Variants in OR14I1 observed in about 807,000 individuals in gnomAD.
OR14I1 encodes the protein olfactory receptor family 14 subfamily I member 1.
For missense variants in OR14I1, 279 were observed against 181.8 expected (o/e 1.53, Z -3.07); for synonymous variants, 118 against 71.1 (o/e 1.66, Z -3.32).
At chr1:248,687,233 A>G (rs2103136298), upstream of OR14I1, among the ~76,000 whole-genome samples, 1 of 152,368 alleles carries the variant, frequency 6.6e-6, no homozygotes, top group African/African-American at 2.4e-5. Context: ...TCGATAAAGT[A>G]CAAAACCCAG....
chr1:248,690,063 G>A, the OR14I1 span, among the ~76,000 whole-genome samples: 2 of 152,168 alleles, frequency 1.3e-5, no homozygotes, highest in African/African-American at 4.8e-5. Flanking sequence ...GAATTTCCGG[G>A]ACACAGCTAA....
At chr1:248,678,747 T>C (rs2103130566), downstream of OR14I1, among the ~76,000 whole-genome samples, 1 of 151,902 alleles carries the variant, frequency 6.6e-6, no homozygotes, top group East Asian at 1.9e-4. Flanking sequence ...TAGACAAGAG[T>C]TTTTACCATT....
the OR14I1 span, among the ~76,000 whole-genome samples, chr1:248,700,988 T>C: frequency 6.6e-6 from 1 of 152,332 alleles, no homozygotes; most frequent in East Asian, 1.9e-4. Flanking sequence ...AAGACCAAAA[T>C]GGGCAATGTA....
At chr1:248,685,873 T>C (rs1661642386), upstream of OR14I1, among the ~76,000 whole-genome samples, 1 of 151,808 alleles carries the variant, frequency 6.6e-6, no homozygotes, top group African/African-American at 2.4e-5. Context: ...TTGAAAATTG[T>C]CTACAATTTG....
the OR14I1 span, among the ~76,000 whole-genome samples, chr1:248,696,044 C>G: frequency 1.3e-5 from 2 of 152,284 alleles, no homozygotes; most frequent in Non-Finnish European, 2.9e-5. Context: ...GAAGTTTAAA[C>G]TCCCCACTCC....
At chr1:248,694,329 T>C in the OR14I1 span, among the ~76,000 whole-genome samples, 1 of 152,212 alleles carries the variant, frequency 6.6e-6, no homozygotes, top group Non-Finnish European at 1.5e-5. Context: ...TTTACTTACA[T>C]TTGTTTTTAA....
the OR14I1 span, among the ~76,000 whole-genome samples, chr1:248,695,228 CT>C: frequency 0.052 from 5,020 of 96,726 alleles, 27 homozygotes; most frequent in East Asian, 0.13. Flanking sequence ...TGAATGTATG[CT>C]TTTTTTTTTT....
At chr1:248,693,891 G>A in the OR14I1 span, among the ~76,000 whole-genome samples, 27,463 of 143,514 alleles carry the variant, frequency 0.19, 3,174 homozygotes, top group African/African-American at 0.34. Context: ...TCAAAGTCCA[G>A]AACTTTTTAA....
the OR14I1 span, chr1:248,691,707 C>G: frequency 6.6e-6 from 1 of 152,354 alleles, no homozygotes. Context: ...ACCAATGGGG[C>G]AGGCCAAAGG....
chr1:248,681,295 CT>C (rs1018908356), downstream of OR14I1: 34 of 562,468 alleles, frequency 6.0e-5, no homozygotes, highest in Non-Finnish European at 7.3e-5. Context: ...ATTTTTTCAT[CT>C]TTTTTTGTCA....
At chr1:248,687,615 T>A in the OR14I1 span, among the ~76,000 whole-genome samples, 5 of 152,228 alleles carry the variant, frequency 3.3e-5, no homozygotes, top group African/African-American at 9.6e-5. Context: ...TTAAGACAAA[T>A]TAAACTTAGC....
downstream of OR14I1, among the ~76,000 whole-genome samples, chr1:248,680,967 C>CGCGTGT (rs1553277282): frequency 6.8e-6 from 1 of 147,108 alleles, no homozygotes; most frequent in South Asian, 2.2e-4. Flanking sequence ...AAACTGTGTG[C>CGCGTGT]GTGTGTGTGT....
upstream of OR14I1, among the ~76,000 whole-genome samples, chr1:248,684,399 C>T (rs1661609111): frequency 6.6e-6 from 1 of 152,234 alleles, no homozygotes; most frequent in East Asian, 1.9e-4. Flanking sequence ...AGCCTACCTA[C>T]TTTGGAGGGT....
chr1:248,683,759 C>T (rs1158357111), upstream of OR14I1, among the ~76,000 whole-genome samples: 4 of 152,234 alleles, frequency 2.6e-5, no homozygotes, highest in Admixed American at 6.5e-5. Flanking sequence ...CTTGGCAAAG[C>T]GCGGTGGCGA....
the OR14I1 span, among the ~76,000 whole-genome samples, chr1:248,701,715 T>C: frequency 3.9e-5 from 6 of 152,192 alleles, no homozygotes; most frequent in Non-Finnish European, 4.4e-5. Context: ...AAGAGAGCGA[T>C]ATCACCAAGA....
At chr1:248,681,692 C>T (rs115155896) in exon 1 of OR14I1, 2 of 781,006 alleles carry the variant, frequency 2.6e-6, no homozygotes, top group Admixed American at 3.4e-5. Flanking sequence ...CATCCCAGAA[C>T]CAAGCATGAG....
At chr1:248,679,647 C>A (rs1297674212), downstream of OR14I1, among the ~76,000 whole-genome samples, 1 of 152,136 alleles carries the variant, frequency 6.6e-6, no homozygotes, top group African/African-American at 2.4e-5. Context: ...ACACTCACAC[C>A]TGCTCTGGTG....
chr1:248,697,714 C>T, the OR14I1 span, among the ~76,000 whole-genome samples: 1 of 151,910 alleles, frequency 6.6e-6, no homozygotes, highest in Non-Finnish European at 1.5e-5. Context: ...ACCCAGGAGG[C>T]GGAGGTTGTG....
At chr1:248,700,903 G>T in the OR14I1 span, among the ~76,000 whole-genome samples, 3 of 152,142 alleles carry the variant, frequency 2.0e-5, no homozygotes, top group African/African-American at 7.2e-5. Context: ...TTTTTACAAA[G>T]ATTTACTATA....
Sources: gnomAD v4.1 joint callset for allele counts (sites outside exome capture counted in the v4.1 genomes callset) on GRCh38, gnomAD v4.1.1 for gene constraint, MANE v1.5 for transcripts, NCBI Gene and HGNC (gene_info 2026-07-23, HGNC 2026-07-21) for gene names.